The following ZFYVE1 variants were observed in gnomAD, a reference collection of about 807,000 sequenced individuals.
The protein encoded by ZFYVE1 is zinc finger FYVE domain-containing protein 1.
Under a neutral mutation model 74.4 loss-of-function variants are expected in ZFYVE1, and 30 were observed. That is an observed-to-expected ratio of 0.40 (90% CI 0.30 to 0.55). The LOEUF (loss-of-function observed/expected upper bound fraction) is 0.55, where lower values mean the gene tolerates loss of function less well. ZFYVE1 is among the 20% of genes least tolerant of loss of function. The pLI, the probability that ZFYVE1 is intolerant of heterozygous loss-of-function variation, is 0.42. For synonymous variants in ZFYVE1, 335 were observed against 385.1 expected (o/e 0.87, Z 1.52); for missense variants, 703 against 1,011.6 (o/e 0.69, Z 4.14).
chr14:72,996,326 G>A (rs892592355), intron 3 of ZFYVE1, among the ~76,000 whole-genome samples: 1 of 152,202 alleles, frequency 6.6e-6, no homozygotes, highest in Admixed American at 6.5e-5. Flanking sequence ...ATGCTACATG[G>A]AGAATGCATT....
chr14:72,986,826 G>A (rs1042277013), intron 4 of ZFYVE1: 3 of 964,558 alleles, frequency 3.1e-6, no homozygotes, highest in East Asian at 2.3e-4. Context: ...CACTGCGCCC[G>A]GCCCTGATTT....
intron 3 of ZFYVE1, among the ~76,000 whole-genome samples, chr14:72,995,787 G>T (rs1893730211): frequency 6.6e-6 from 1 of 152,058 alleles, no homozygotes; most frequent in African/African-American, 2.4e-5. Flanking sequence ...GAATCAACTG[G>T]TGCCAGGTCC....
chr14:72,990,427 G>A lies in ZFYVE1; in HGVS notation c.1203+2716C>T, dbSNP rs181902567. Among the ~76,000 whole-genome samples, 403 of 150,294 alleles carry A rather than the reference G, an allele frequency of 2.7e-3. 6 individuals carry two copies. Among genetic ancestry groups the A allele is most frequent in the Admixed American group, 0.022 (335 of 15,058 alleles). On this transcript the variant is annotated intron_variant, in intron 4 of 11. Transcript: ENST00000556143. ...TTTTTTTTTTTTGAGATGGAGTTTCGCTCTTCTTGCCCAGGCTGGAGTGCG... is the reference window on the plus strand; with the variant it reads ...TTTTTTTTTTTTGAGATGGAGTTTCACTCTTCTTGCCCAGGCTGGAGTGCG...
At chr14:72,976,404 T>C (rs1441132135) in intron 8 of ZFYVE1, among the ~76,000 whole-genome samples, 1 of 152,124 alleles carries the variant, frequency 6.6e-6, no homozygotes, top group African/African-American at 2.4e-5. Flanking sequence ...GAATAAACCA[T>C]TATGCCAAGG....
rs1383423243 is a variant in ZFYVE1 at position 72,988,091 on chromosome 14, A to G, written c.1203+5052T>C. Among the ~76,000 whole-genome samples the G allele has an allele frequency of 2.0e-5, 3 of 152,170 alleles. No homozygotes were observed. The East Asian group carries it at 5.8e-4, about 29-fold the overall frequency. On this transcript the variant is annotated intron_variant, in intron 4 of 11. Transcript: ENST00000556143. ...ATTTCCCGGTCAATAATAAACACAAAAAGTAGTACTTTGACTTCCTTTGAA... is the reference window on the plus strand; with the variant it reads ...ATTTCCCGGTCAATAATAAACACAAGAAGTAGTACTTTGACTTCCTTTGAA...
rs934405958 is a variant in ZFYVE1, at chr14:72,975,959, T to A, written c.1636-238A>T. On this transcript the variant is annotated intron_variant, in intron 8 of 11. Transcript: ENST00000556143. The surrounding 1 kb of genome is among the most constrained non-coding windows in gnomAD (Gnocchi z 4.1). ...TACTAAGCCCATATAATACAGGAGA[T>A]GACACCTCCTCCAGGGGGCCCCGCA... The A allele has an allele frequency of 4.4e-6, 2 of 451,766 alleles. No homozygotes were observed. The highest frequency in any genetic ancestry group is 8.0e-5 in the Admixed American group (2 of 25,002). The allele number at this position is 451,766 out of a possible 1,614,324, so 28.0% of individuals were successfully genotyped here.
At chr14:73,006,919 T>A (rs1893993490) in intron 2 of ZFYVE1, among the ~76,000 whole-genome samples, 1 of 151,854 alleles carries the variant, frequency 6.6e-6, no homozygotes, top group Non-Finnish European at 1.5e-5. Context: ...GTTTATGTTG[T>A]CCAGCTGGTC....
At chr14:72,991,959 T>C (rs554411582) in intron 4 of ZFYVE1, among the ~76,000 whole-genome samples, 1 of 151,470 alleles carries the variant, frequency 6.6e-6, no homozygotes, top group East Asian at 1.9e-4. Flanking sequence ...CAGGCTGGAG[T>C]GCAGTGGGAC....
In ZFYVE1 at chr14:73,027,035, G is replaced by T. The variant is rs937090108; in HGVS notation, c.-544C>A. 1 of 399,068 alleles carries T rather than the reference G, an allele frequency of 2.5e-6. No homozygotes were observed. Among genetic ancestry groups the T allele is most frequent in the African/African-American group, 2.1e-5 (1 of 48,754 alleles). The allele number at this position is 399,068 out of a possible 1,614,324, so 24.7% of individuals were successfully genotyped here. On this transcript the variant is annotated 5_prime_UTR_variant, in exon 1 of 12. Transcript: ENST00000556143. ...CAGATCCATCCTCATCTCCATCTCC[G>T]CCACCCTCCTCCTTCGTTGCCTCCC...
At position 72,993,160 on chromosome 14, in the gene ZFYVE1, T is replaced by C. The variant is rs939951227; in HGVS notation, c.1186A>G (p.Ile396Val). The change falls in exon 4 of 12, where the codon ATC (isoleucine) becomes GTC (valine). Residue 396 changes from isoleucine (I) to valine (V), a missense_variant. Around this residue, in one of 2 missense-constraint regions of ZFYVE1, gnomAD observed 492 missense variants for 790.0 expected, o/e 0.62. Transcript: ENST00000556143. ...TTRSPRHPGV[I>V]FKALKALSDR... Reference sequence around the variant, plus strand: ...CAACTGACCTTCAGGGCTTTGAAGATGACTCCCGGGTGCCGGGGAGAACGG... The same window carrying C: ...CAACTGACCTTCAGGGCTTTGAAGACGACTCCCGGGTGCCGGGGAGAACGG... 4 of 1,608,172 alleles carry C rather than the reference T, an allele frequency of 2.5e-6. No individual in the cohort carries two copies. Among genetic ancestry groups the C allele is most frequent in the African/African-American group, 1.3e-5 (1 of 74,766 alleles).
intron 11 of ZFYVE1, among the ~76,000 whole-genome samples, chr14:72,973,803 G>C (rs962653295): frequency 3.3e-5 from 5 of 152,164 alleles, no homozygotes; most frequent in African/African-American, 1.2e-4. Context: ...CTGACTTCTA[G>C]ACCTGCAAAG....
At chr14:72,990,679 C>T (rs925855771) in intron 4 of ZFYVE1, among the ~76,000 whole-genome samples, 4 of 145,442 alleles carry the variant, frequency 2.8e-5, no homozygotes, top group Non-Finnish European at 4.5e-5. Context: ...CGTGAGCCAC[C>T]GCACCTGGCC....
intron 2 of ZFYVE1, among the ~76,000 whole-genome samples, chr14:73,013,885 C>G (rs1894140746): frequency 6.6e-6 from 1 of 152,186 alleles, no homozygotes; most frequent in African/African-American, 2.4e-5. Flanking sequence ...GTAGGGAAGA[C>G]TCCCCAGAAA....
rs1215215140 is a variant in ZFYVE1, at chr14:72,993,202, G to T, written c.1144C>A (p.Leu382Ile). The T allele has an allele frequency of 6.2e-7, 1 of 1,613,816 alleles. No homozygotes were observed. Among genetic ancestry groups the T allele is most frequent in the East Asian group, 2.2e-5 (1 of 44,844 alleles). The change falls in exon 4 of 12, where the codon CTA becomes ATA. Residue 382 changes from leucine (L) to isoleucine (I), a missense_variant. Coordinates refer to ENST00000556143, the MANE Select transcript of ZFYVE1 (RefSeq NM_021260.4). The stretch of plus-strand genomic sequence containing the variant: ...GGAGAACGGGTGGTGTTATTCTCTA[G>T]TAGCTGCTCCAAAGCACGCCGAAGC... ...SGLRRALEQL[L>I]ENNTTRSPRH...
At chr14:72,973,260 C>T (rs546531332) in intron 11 of ZFYVE1, among the ~76,000 whole-genome samples, 1 of 151,834 alleles carries the variant, frequency 6.6e-6, no homozygotes, top group African/African-American at 2.4e-5. Context: ...AGGCCAAGGC[C>T]GGTGGATCAC....
intron 4 of ZFYVE1, among the ~76,000 whole-genome samples, chr14:72,991,183 ATTTTTTTTTTT>A (rs57153409): frequency 8.0e-4 from 67 of 83,586 alleles, no homozygotes; most frequent in Non-Finnish European, 1.3e-3. Context: ...CCCTGATGGT[ATTTTTTTTTTT>A]TTTTTTTTTT....
intron 2 of ZFYVE1, among the ~76,000 whole-genome samples, chr14:73,007,181 C>T (rs1312927743): frequency 6.6e-6 from 1 of 151,964 alleles, no homozygotes; most frequent in Non-Finnish European, 1.5e-5. Flanking sequence ...CCAAGGAGGC[C>T]TGAAAAGGGA....
intron 11 of ZFYVE1, 115 bp downstream of exon 11, chr14:72,973,965 C>A: frequency 1.2e-6 from 1 of 800,838 alleles, no homozygotes; most frequent in African/African-American, 1.7e-5. Context: ...GTAATTGATT[C>A]CTTTACCACC....
At chr14:73,009,956 A>T (rs79361337) in intron 2 of ZFYVE1, among the ~76,000 whole-genome samples, 60 of 152,116 alleles carry the variant, frequency 3.9e-4, no homozygotes, top group African/African-American at 1.4e-3. Context: ...AAAATCAATC[A>T]GTTAGCTGGG....
Sources: allele counts gnomAD v4.1 joint callset (sites outside exome capture counted in the v4.1 genomes callset), GRCh38; gene constraint gnomAD v4.1.1; regional missense constraint gnomAD v4.1.1; non-coding constraint Gnocchi (gnomAD v3.1); transcripts MANE v1.5; gene names NCBI Gene and HGNC (gene_info 2026-07-23, HGNC 2026-07-21).